The following SEC23IP variants were observed in gnomAD, a reference collection of about 807,000 sequenced individuals.
SEC23IP encodes the protein SEC23 interacting protein, also known as SEC23-interacting protein.
A neutral mutation model predicts 113.4 loss-of-function variants in SEC23IP; 70 were observed. The ratio of observed to expected loss-of-function variants is 0.62; its 90% confidence interval spans 0.51 to 0.75. The LOEUF (loss-of-function observed/expected upper bound fraction) is 0.75, where lower values mean the gene tolerates loss of function less well. Ranked by LOEUF, SEC23IP falls within the 30% of genes least tolerant of loss-of-function variation. The probability of loss-of-function intolerance (pLI) is 0.00; values close to 1 mark genes in which losing one functional copy is unlikely to be tolerated. For synonymous variants in SEC23IP, 398 were observed against 421.0 expected (o/e 0.95, Z 0.67); for missense variants, 1,160 against 1,204.9 (o/e 0.96, Z 0.55).
At chr10:119,903,685 C>T (rs1254841088) in intron 3 of SEC23IP, among the ~76,000 whole-genome samples, 1 of 152,066 alleles carries the variant, frequency 6.6e-6, no homozygotes, top group East Asian at 1.9e-4. Context: ...AGTTTTTTGT[C>T]TTTAAAGATT....
chr10:119,930,480 G>A (rs371492121), intron 15 of SEC23IP, 49 bp downstream of exon 15: 64 of 1,098,022 alleles, frequency 5.8e-5, no homozygotes, highest in Middle Eastern at 2.8e-4. Context: ...TTTGTAATCT[G>A]TAATGAATTA....
Position 119,943,579 on chromosome 10 carries a change from G to A in SEC23IP, c.*3014G>A, listed in dbSNP as rs1455032138. 1 of 152,038 alleles carries A rather than the reference G, an allele frequency of 6.6e-6. No homozygotes were observed. Among genetic ancestry groups the A allele is most frequent in the African/African-American group, 2.4e-5 (1 of 41,332 alleles). 9.4% of individuals were successfully genotyped at this position (152,038 alleles called of 1,614,324 possible). On this transcript the variant is annotated 3_prime_UTR_variant, in exon 19 of 19. Coordinates refer to ENST00000369075, the MANE Select transcript of SEC23IP (RefSeq NM_007190.4). The stretch of plus-strand genomic sequence containing the variant: ...CACTCTAGCCTGAGTGACAGAGCGA[G>A]ACTCTGTCTCAAAAAAAAATAAATG...
rs34703745 is a variant in SEC23IP at position 119,901,023 on chromosome 10, C to CTT, written c.697-1763_697-1762dup. 5.2e-4 allele frequency among the ~76,000 whole-genome samples: 41 copies of CTT among 78,574 alleles called. 1 individual carries two copies. Among genetic ancestry groups the CTT allele is most frequent in the South Asian group, 3.1e-4 (1 of 3,222 alleles). The allele number at this position is 78,574 out of a possible 152,430, so 51.5% of individuals were successfully genotyped here. The stretch of plus-strand genomic sequence containing the variant: ...TTAAAATTTTTTTCTTTTTCTTCTT[C>CTT]TTTTTTTTTTTTTTAAAGAGTGGGG... On this transcript the variant is annotated intron_variant, in intron 2 of 18. Transcript: ENST00000369075.
At chr10:119,901,020 C>CTTTTTTTTTT (rs1854475002) in intron 2 of SEC23IP, among the ~76,000 whole-genome samples, 1 of 77,302 alleles carries the variant, frequency 1.3e-5, no homozygotes, top group African/African-American at 5.4e-5. Context: ...TCTTTTTCTT[C>CTTTTTTTTTT]TTCTTTTTTT....
intron 1 of SEC23IP, among the ~76,000 whole-genome samples, chr10:119,897,923 T>C (rs1235951436): frequency 1.3e-5 from 2 of 151,040 alleles, no homozygotes; most frequent in Non-Finnish European, 2.9e-5. Context: ...GAGAATGGCG[T>C]GAACCTGGGA....
intron 1 of SEC23IP, among the ~76,000 whole-genome samples, chr10:119,896,817 A>T (rs1854299570): frequency 6.6e-6 from 1 of 152,064 alleles, no homozygotes; most frequent in Admixed American, 6.6e-5. Context: ...GGAATGAACT[A>T]AGAAATACAA....
At chr10:119,906,641 T>C (rs546609579) in intron 4 of SEC23IP, among the ~76,000 whole-genome samples, 1 of 152,230 alleles carries the variant, frequency 6.6e-6, no homozygotes, top group South Asian at 2.1e-4. Context: ...AGTGGCGTGA[T>C]TTCAGCTCAC....
rs540380220 is a variant in SEC23IP, at chr10:119,926,634, T to C, written c.2313+407T>C. ...TTCTTCCCTTGGGGAAAAAGTCTTA[T>C]AAAAATTGACCAATGCTGCATTTAA... On this transcript the variant is annotated intron_variant, in intron 13 of 18. Transcript: ENST00000369075. Among the ~76,000 whole-genome samples the C allele has an allele frequency of 3.9e-5, 6 of 152,340 alleles. 1 individual carries two copies. The highest frequency in any genetic ancestry group is 4.1e-4 in the South Asian group (2 of 4,828).
chr10:119,911,492 T>C (rs548875476), intron 5 of SEC23IP, among the ~76,000 whole-genome samples: 1 of 152,094 alleles, frequency 6.6e-6, no homozygotes, highest in South Asian at 2.1e-4. Flanking sequence ...TAGTTTTTTT[T>C]TGAGACAGGA....
At chr10:119,929,504 G>A in intron 13 of SEC23IP, 103 bp from the exon 14 acceptor site, 1 of 922,290 alleles carries the variant, frequency 1.1e-6, no homozygotes. Flanking sequence ...AAAGTGCTGG[G>A]ATTACAGGCA....
intron 8 of SEC23IP, among the ~76,000 whole-genome samples, chr10:119,916,091 A>C (rs1855043913): frequency 6.6e-6 from 1 of 152,208 alleles, no homozygotes; most frequent in Admixed American, 6.5e-5. Flanking sequence ...TAAATATTTA[A>C]GAGAATCTTA....
At position 119,917,985 on chromosome 10, in the gene SEC23IP, T is replaced by G; in HGVS notation, c.1694T>G (p.Leu565Arg). ...ATGGAGATAAACCATCTGCATGCAC[T>G]CTTTATGAGTCGGAACCCAGACTTC... ...VGMEINHLHA[L>R]FMSRNPDFKG... Residue 565 changes from leucine (L) to arginine (R), a missense_variant, in exon 9 of 19, where the codon CTC becomes CGC. Physicochemically the swap from Leu to Arg is moderately radical, Grantham distance 102 (BLOSUM62 -2). Coordinates refer to ENST00000369075, the MANE Select transcript of SEC23IP (RefSeq NM_007190.4). 1 of 1,614,158 alleles carries G rather than the reference T, an allele frequency of 6.2e-7. No individual in the cohort carries two copies. The highest frequency in any genetic ancestry group is 8.5e-7 in the Non-Finnish European group (1 of 1,180,000).
At chr10:119,933,476 C>T (rs968814375) in intron 17 of SEC23IP, among the ~76,000 whole-genome samples, 1 of 152,182 alleles carries the variant, frequency 6.6e-6, no homozygotes, top group Non-Finnish European at 1.5e-5. Flanking sequence ...AATTGCAACA[C>T]AGCTATTTTG....
intron 18 of SEC23IP, among the ~76,000 whole-genome samples, chr10:119,937,984 A>G (rs1429593414): frequency 6.6e-6 from 1 of 152,046 alleles, no homozygotes; most frequent in African/African-American, 2.4e-5. Flanking sequence ...ACATTTTAAC[A>G]TATTTAAATT....
At chr10:119,900,994 A>G (rs928331198) in intron 2 of SEC23IP, among the ~76,000 whole-genome samples, 1 of 147,178 alleles carries the variant, frequency 6.8e-6, no homozygotes, top group African/African-American at 2.5e-5. Context: ...TTTTTTCTAA[A>G]ACATTAAAAT....
At chr10:119,927,156 G>C (rs538092829) in intron 13 of SEC23IP, among the ~76,000 whole-genome samples, 2 of 152,236 alleles carry the variant, frequency 1.3e-5, no homozygotes, top group Non-Finnish European at 2.9e-5. Flanking sequence ...ACTTGGCTTC[G>C]CAAAGTGCCA....
At chr10:119,926,617 T>G (rs1855433563) in intron 13 of SEC23IP, among the ~76,000 whole-genome samples, 1 of 152,226 alleles carries the variant, frequency 6.6e-6, no homozygotes, top group Non-Finnish European at 1.5e-5. Context: ...AATTCTTCCC[T>G]TGGGGAAAAA....
chr10:119,907,703 C>T (rs1854722986), intron 4 of SEC23IP, among the ~76,000 whole-genome samples: 1 of 152,214 alleles, frequency 6.6e-6, no homozygotes, highest in Non-Finnish European at 1.5e-5. Context: ...GTAATCCCAG[C>T]ACTTTGGGAG....
At chr10:119,898,369 C>T (rs1265499080) in intron 1 of SEC23IP, 58 bp from the exon 2 acceptor site, 12 of 1,489,364 alleles carry the variant, frequency 8.1e-6, no homozygotes, top group East Asian at 2.4e-5. Context: ...CTTATAGAAT[C>T]GTATCTGCGG....
Sources: allele counts gnomAD v4.1 joint callset (sites outside exome capture counted in the v4.1 genomes callset), GRCh38; gene constraint gnomAD v4.1.1; transcripts MANE v1.5; gene names NCBI Gene and HGNC (gene_info 2026-07-23, HGNC 2026-07-21).